The following VSIR variants were observed in gnomAD, a reference collection of about 807,000 sequenced individuals.
The protein encoded by VSIR is V-type immunoglobulin domain-containing suppressor of T-cell activation.
Under a neutral mutation model 31.0 loss-of-function variants are expected in VSIR, and 10 were observed. The observed-to-expected ratio is 0.32, with a 90% CI of 0.20 to 0.55. The LOEUF is 0.55. Among genes scored for constraint, VSIR ranks in the 20% least tolerant of loss-of-function variants. The probability of loss-of-function intolerance (pLI) is 0.93; values close to 1 mark genes in which losing one functional copy is unlikely to be tolerated. For missense variants in VSIR, 356 were observed against 416.2 expected (o/e 0.86, Z 1.26); for synonymous variants, 179 against 180.1 (o/e 0.99, Z 0.05).
At position 71,751,901 on chromosome 10, in the gene VSIR, G is replaced by A. The variant is rs74649893; in HGVS notation, c.705-40C>T. The A allele has an allele frequency of 0.07, 107,281 of 1,536,294 alleles. 4,201 individuals are homozygous for A. Among genetic ancestry groups the A allele is most frequent in the South Asian group, 0.082 (6,528 of 80,016 alleles). ...GAATGGAAGGTCATCTGTGCTGTCC[G>A]GAGCGTGAACTCTGCCCTCCCTGCC... On this transcript the variant is annotated intron_variant, in intron 5 of 6. Transcript: ENST00000394957. The surrounding 1 kb of genome is among the most constrained non-coding windows in gnomAD (Gnocchi z 4.9).
intron 1 of VSIR, among the ~76,000 whole-genome samples, chr10:71,765,846 G>A (rs1439156876): frequency 6.6e-6 from 1 of 152,132 alleles, no homozygotes; most frequent in Non-Finnish European, 1.5e-5. Flanking sequence ...CAAGCAAGAG[G>A]GCCAGACAGG....
intron 3 of VSIR, among the ~76,000 whole-genome samples, chr10:71,760,161 GTATATACA>G (rs751375949): frequency 0.25 from 11,435 of 46,016 alleles, 3,784 homozygotes; most frequent in South Asian, 0.44. Flanking sequence ...GTATATATAT[GTATATACA>G]TATATATGTG....
At chr10:71,772,091 A>C (rs1840698965) in intron 1 of VSIR, among the ~76,000 whole-genome samples, 1 of 151,798 alleles carries the variant, frequency 6.6e-6, no homozygotes, top group Non-Finnish European at 1.5e-5. Flanking sequence ...TCCACCTCCC[A>C]TTCTCCTCCT....
In VSIR at chr10:71,748,560, A is replaced by G. The variant is rs1769955498; in HGVS notation, c.*2693T>C. 3 of 152,258 alleles carry G rather than the reference A, an allele frequency of 2.0e-5. No homozygotes were observed. Among genetic ancestry groups the G allele is most frequent in the Non-Finnish European group, 2.9e-5 (2 of 68,044 alleles). 9.4% of individuals were successfully genotyped at this position (152,258 alleles called of 1,614,324 possible). Reference sequence around the variant, plus strand: ...AAACTGTGAATGTCAGGAGATAGGTAAGATGGCCCCTAATTCCTGATTGAT... The same window carrying G: ...AAACTGTGAATGTCAGGAGATAGGTGAGATGGCCCCTAATTCCTGATTGAT... On this transcript the variant is annotated 3_prime_UTR_variant, in exon 7 of 7. Transcript: ENST00000394957.
In VSIR at chr10:71,747,664, G is replaced by C. The variant is rs1377773996; in HGVS notation, c.*3589C>G. Reference sequence around the variant, plus strand: ...CAATAAAACCTCCCAGGATTTTCAGGGAAGGGGGTGGATCAAACAAGTTAC... The same window carrying C: ...CAATAAAACCTCCCAGGATTTTCAGCGAAGGGGGTGGATCAAACAAGTTAC... On this transcript the variant is annotated 3_prime_UTR_variant, in exon 7 of 7. Coordinates refer to ENST00000394957, the MANE Select transcript of VSIR (RefSeq NM_022153.2). 6.6e-6 allele frequency: 1 copy of C among 152,254 alleles called. No individual in the cohort carries two copies. Among genetic ancestry groups the C allele is most frequent in the South Asian group, 2.1e-4 (1 of 4,828 alleles). The allele number at this position is 152,254 out of a possible 1,614,324, so 9.4% of individuals were successfully genotyped here.
chr10:71,765,966 C>T (rs1221422338), intron 1 of VSIR, among the ~76,000 whole-genome samples: 1 of 152,126 alleles, frequency 6.6e-6, no homozygotes, highest in Non-Finnish European at 1.5e-5. Context: ...GTCTGAGACT[C>T]CAGCTGGGAC....
intron 3 of VSIR, among the ~76,000 whole-genome samples, chr10:71,755,999 C>A (rs1024414155): frequency 6.6e-6 from 1 of 152,042 alleles, no homozygotes; most frequent in African/African-American, 2.4e-5. Flanking sequence ...AGATAAAAAG[C>A]CCCAACTCAT....
intron 3 of VSIR, among the ~76,000 whole-genome samples, chr10:71,759,089 G>A (rs927913199): frequency 2.0e-5 from 3 of 151,990 alleles, no homozygotes; most frequent in African/African-American, 7.2e-5. Flanking sequence ...GCAGGCTGGA[G>A]TGCAGTGGCG....
intron 1 of VSIR, among the ~76,000 whole-genome samples, chr10:71,765,496 G>A (rs892086208): frequency 1.3e-5 from 2 of 152,208 alleles, no homozygotes; most frequent in African/African-American, 2.4e-5. Flanking sequence ...TGGCCTGAGT[G>A]TCCCTGTGAA....
At chr10:71,771,804 T>C (rs1840691825) in intron 1 of VSIR, among the ~76,000 whole-genome samples, 1 of 152,226 alleles carries the variant, frequency 6.6e-6, no homozygotes, top group African/African-American at 2.4e-5. Context: ...TTGGGGCCTC[T>C]CTGCTACTGG....
intron 3 of VSIR, 86 bp downstream of exon 3, chr10:71,760,782 G>C: frequency 7.6e-7 from 1 of 1,318,736 alleles, no homozygotes; most frequent in Non-Finnish European, 1.1e-6. Flanking sequence ...GGGGTGATGA[G>C]GCCAGAGTTC....
chr10:71,759,930 CAT>C lies in VSIR; in HGVS notation c.568+936_568+937del, dbSNP rs1169681195. Reference sequence around the variant, plus strand: ...ACACACACACATATATACACACACACATATATACACACACACATATATATACA... The same window carrying C: ...ACACACACACATATATACACACACACATATACACACACACATATATATACA... On this transcript the variant is annotated intron_variant, in intron 3 of 6. Transcript: ENST00000394957. Among the ~76,000 whole-genome samples the C allele has an allele frequency of 2.2e-4, 12 of 54,524 alleles. 2 individuals carry two copies. In the South Asian group the frequency reaches 3.7e-3, roughly 17 times the overall value. 35.8% of individuals were successfully genotyped at this position (54,524 alleles called of 152,430 possible). A position where few individuals can be genotyped will look rare whatever the true frequency, so the allele number is the denominator to read the frequency against.
intron 3 of VSIR, among the ~76,000 whole-genome samples, chr10:71,756,846 G>A (rs1046392289): frequency 2.0e-5 from 3 of 152,202 alleles, no homozygotes; most frequent in African/African-American, 7.2e-5. Context: ...ATTTGTTTGG[G>A]AATAAAGGCT....
intron 1 of VSIR, among the ~76,000 whole-genome samples, chr10:71,766,072 C>T (rs1231065539): frequency 1.3e-5 from 2 of 152,228 alleles, no homozygotes; most frequent in Non-Finnish European, 2.9e-5. Context: ...GCACGTGCCC[C>T]GCGGACTCCA....
At chr10:71,759,888 T>TATATACACACACACACATAC (rs1211461244) in intron 3 of VSIR, among the ~76,000 whole-genome samples, 2 of 29,944 alleles carry the variant, frequency 6.7e-5, no homozygotes, top group African/African-American at 1.5e-4. Flanking sequence ...CACACACATA[T>TATATACACACACACACATAC]ACACACACAC....
chr10:71,755,492 G>T, intron 3 of VSIR, 26 bp from the exon 4 acceptor site: 1 of 1,588,746 alleles, frequency 6.3e-7, no homozygotes, highest in Non-Finnish European at 8.6e-7. Context: ...GGTAGCCAAG[G>T]TGAAGCCCCA....
rs1840003583 is a variant in VSIR at position 71,751,582 on chromosome 10, A to G, written c.898+86T>C. On this transcript the variant is annotated intron_variant, in intron 6 of 6. Coordinates refer to ENST00000394957, the MANE Select transcript of VSIR (RefSeq NM_022153.2). The surrounding 1 kb of genome is among the most constrained non-coding windows in gnomAD (Gnocchi z 4.9). ...CGTGAGGCCGTGGAACTCTTCAGGG[A>G]GGGCAGGGAGTGAGGCCGATGCCCT... is the stretch of plus-strand genomic sequence containing the variant. 2 of 1,435,838 alleles carry G rather than the reference A, an allele frequency of 1.4e-6. No individual in the cohort carries two copies. Among genetic ancestry groups the G allele is most frequent in the Non-Finnish European group, 1.9e-6 (2 of 1,071,622 alleles). The allele number at this position is 1,435,838 out of a possible 1,614,324, so 88.9% of individuals were successfully genotyped here.
chr10:71,761,974 G>T lies in VSIR; in HGVS notation c.135C>A (p.Pro45=). The T allele has an allele frequency of 2.5e-6, 4 of 1,613,644 alleles. No homozygotes were observed. The highest frequency in any genetic ancestry group is 3.4e-6 in the Non-Finnish European group (4 of 1,179,966). ...VATPYSLYVC[P]EGQNVTLTCR... The stretch of plus-strand genomic sequence containing the variant: ...AGGTGAGGGTGACGTTCTGCCCCTC[G>T]GGACAGACATACAGGGAATACGGCG... The change falls in exon 2 of 7, where the codon CCC becomes CCA. Residue 45 remains proline (P), a synonymous_variant. Coordinates refer to ENST00000394957, the MANE Select transcript of VSIR (RefSeq NM_022153.2).
rs776230069 is a variant in VSIR at position 71,759,846 on chromosome 10, C to CACACACACACATAT, written c.568+1021_568+1022insATATGTGTGTGTGT. Among the ~76,000 whole-genome samples, 110 of 59,956 alleles carry CACACACACACATAT rather than the reference C, an allele frequency of 1.8e-3. 7 individuals are homozygous for CACACACACACATAT. Among genetic ancestry groups the CACACACACACATAT allele is most frequent in the East Asian group, 7.3e-3 (9 of 1,232 alleles). 39.3% of individuals were successfully genotyped at this position (59,956 alleles called of 152,430 possible). A position where few individuals can be genotyped will look rare whatever the true frequency, so the allele number is the denominator to read the frequency against. ...ACACACACACACACACACACACACA[C>CACACACACACATAT]ATATACACACACACACACATATATA... On this transcript the variant is annotated intron_variant, in intron 3 of 6. Coordinates refer to ENST00000394957, the MANE Select transcript of VSIR (RefSeq NM_022153.2).
Sources: allele counts gnomAD v4.1 joint callset (sites outside exome capture counted in the v4.1 genomes callset), GRCh38; gene constraint gnomAD v4.1.1; non-coding constraint Gnocchi (gnomAD v3.1); transcripts MANE v1.5; gene names NCBI Gene and HGNC (gene_info 2026-07-23, HGNC 2026-07-21).